Variants in LTF observed in about 807,000 individuals in gnomAD.
LTF encodes lactotransferrin, also known as epididymis luminal protein 110.
In LTF, 91 loss-of-function variants were observed where a neutral mutation model predicts 87.2. The observed-to-expected ratio is 1.04, with a 90% CI of 0.88 to 1.24. The LOEUF (loss-of-function observed/expected upper bound fraction) is 1.24. Among genes scored for constraint, LTF ranks in the 50% most tolerant of loss-of-function variants. The pLI is 0.00. For synonymous variants in LTF, 378 were observed against 356.1 expected, an observed-to-expected ratio of 1.06 and a Z score of -0.69; for missense variants, 901 against 904.3, an observed-to-expected ratio of 1.00 and a Z score of 0.05.
rs58330875 is a variant in LTF, at chr3:46,455,154, T to A, written c.647+141A>T. 3.9e-6 allele frequency: 4 copies of A among 1,019,856 alleles called. No individual in the cohort carries two copies. In the East Asian group the frequency reaches 9.8e-5, roughly 25 times the overall value. 63.2% of individuals were successfully genotyped at this position (1,019,856 alleles called of 1,614,324 possible). On this transcript the variant is annotated intron_variant, in intron 5 of 16. Transcript: ENST00000231751. ...CACACTGGGCAGGCCTGCACTCTCT[T>A]TGGACACACAGCAGTAGGAGAACAG...
Position 46,449,859 on chromosome 3 carries a change from CTCAAGT to C in LTF, c.1046_1051del (p.Asn349_Leu350del), listed in dbSNP as rs756532606. On this transcript the variant is annotated inframe_deletion, in exon 8 of 17. Transcript: ENST00000231751. Reference sequence around the variant, plus strand: ...ACCCTCCTGGGCTCACTCACTTTTCCTCAAGTTCTGGATGGCAGTGAAGTAGCCGGA... The same window carrying C: ...ACCCTCCTGGGCTCACTCACTTTTCCTCTGGATGGCAGTGAAGTAGCCGGA... The C allele has an allele frequency of 1.2e-6, 2 of 1,614,024 alleles. No homozygotes were observed. Among genetic ancestry groups the C allele is most frequent in the Non-Finnish European group, 8.5e-7 (1 of 1,179,944 alleles).
chr3:46,444,890 C>T (rs1702608624), intron 12 of LTF, among the ~76,000 whole-genome samples: 1 of 152,198 alleles, frequency 6.6e-6, no homozygotes, highest in African/African-American at 2.4e-5. Context: ...TGCTTAGTAA[C>T]AGGAGTCACC....
chr3:46,455,262 G>T, intron 5 of LTF, 33 bp downstream of exon 5: 1 of 1,613,616 alleles, frequency 6.2e-7, no homozygotes, highest in Non-Finnish European at 8.5e-7. Flanking sequence ...AGGGACACTT[G>T]GCCACTGACG....
chr3:46,455,344 A>G lies in LTF; in HGVS notation c.598T>C (p.Cys200Arg). ...RLCAGTGENK[C>R]AFSSQEPYFS... ...TACGGTTCCTGGGAGGAGAAGGCACATTTGTTTTCCCCTGTCCCCGCACAC... is the reference window on the plus strand; with the variant it reads ...TACGGTTCCTGGGAGGAGAAGGCACGTTTGTTTTCCCCTGTCCCCGCACAC... Residue 200 changes from cysteine to arginine, a missense_variant, in exon 5 of 17, where the codon TGT becomes CGT. Cys to Arg is a radical substitution (Grantham distance 180). Transcript: ENST00000231751. 1 of 1,614,192 alleles carries G rather than the reference A, an allele frequency of 6.2e-7. No individual in the cohort carries two copies. The highest frequency in any genetic ancestry group is 8.5e-7 in the Non-Finnish European group (1 of 1,180,026).
chr3:46,439,032 T>C (rs527869960), intron 15 of LTF, among the ~76,000 whole-genome samples: 2 of 152,306 alleles, frequency 1.3e-5, no homozygotes, highest in East Asian at 3.9e-4. Flanking sequence ...AGACAGCCTC[T>C]GAGCCAGGCA....
At chr3:46,476,193 G>A (rs963443961) in intron 1 of LTF, among the ~76,000 whole-genome samples, 1 of 152,130 alleles carries the variant, frequency 6.6e-6, no homozygotes, top group Non-Finnish European at 1.5e-5. Flanking sequence ...TGCACTAGAT[G>A]GGACTTTCCG....
At chr3:46,482,698 AGGAAGGAAAGAAAGAAAG>A (rs1452955275) in intron 1 of LTF, among the ~76,000 whole-genome samples, 4 of 126,672 alleles carry the variant, frequency 3.2e-5, no homozygotes, top group African/African-American at 1.3e-4. Context: ...GAAGGAAGGA[AGGAAGGAAAGAAAGAAAG>A]AGAAAGAAAG....
At chr3:46,470,036 T>C (rs1388320858) in intron 2 of LTF, among the ~76,000 whole-genome samples, 4 of 152,184 alleles carry the variant, frequency 2.6e-5, no homozygotes, top group Non-Finnish European at 4.4e-5. Context: ...ACAGCCCTCC[T>C]GGGGCTGGCT....
chr3:46,473,244 C>A (rs931996512), intron 1 of LTF, among the ~76,000 whole-genome samples: 2 of 152,188 alleles, frequency 1.3e-5, no homozygotes, highest in African/African-American at 4.8e-5. Flanking sequence ...ATAATCTGCT[C>A]CTGAAGAACC....
chr3:46,455,133 C>T (rs987342144), intron 5 of LTF, among the ~76,000 whole-genome samples, 162 bp downstream of exon 5: 1 of 152,222 alleles, frequency 6.6e-6, no homozygotes, highest in Admixed American at 6.5e-5. Context: ...GGAACACACA[C>T]TGGGCAGGCC....
chr3:46,437,476 A>C (rs1459570517), intron 16 of LTF, among the ~76,000 whole-genome samples: 2 of 151,990 alleles, frequency 1.3e-5, no homozygotes, highest in Non-Finnish European at 2.9e-5. Flanking sequence ...GCTTGACACC[A>C]CACCAGGCTA....
intron 10 of LTF, among the ~76,000 whole-genome samples, 157 bp downstream of exon 10, chr3:46,447,151 G>A (rs1702675377): frequency 6.6e-6 from 1 of 152,098 alleles, no homozygotes; most frequent in African/African-American, 2.4e-5. Context: ...AGGCTTTGTG[G>A]GTAACACGGC....
At chr3:46,442,640 T>G (rs1248636427) in intron 13 of LTF, among the ~76,000 whole-genome samples, 1 of 152,056 alleles carries the variant, frequency 6.6e-6, no homozygotes, top group African/African-American at 2.4e-5. Flanking sequence ...CATTTTTTTT[T>G]GTTTTGGGTC....
intron 1 of LTF, among the ~76,000 whole-genome samples, chr3:46,482,555 GAAGGGAAGGGAAGGGA>G (rs1559614549): frequency 9.4e-6 from 1 of 106,342 alleles, no homozygotes. Context: ...GAAGGGAAGG[GAAGGGAAGGGAAGGGA>G]AAGGAAAGGA....
chr3:46,454,043 T>C, intron 6 of LTF: 3 of 496,416 alleles, frequency 6.0e-6, no homozygotes, highest in African/African-American at 3.8e-5. Context: ...CATGAGCACA[T>C]GTGTCTTGGA....
intron 1 of LTF, among the ~76,000 whole-genome samples, chr3:46,482,687 GGAAGGAAGGAAGGAAGGAAA>G (rs1703460937): frequency 9.5e-6 from 1 of 105,042 alleles, no homozygotes; most frequent in African/African-American, 3.6e-5. Flanking sequence ...AAGGAAGGAA[GGAAGGAAGGAAGGAAGGAAA>G]GAAAGAAAGA....
At chr3:46,464,011 C>T (rs982508018) in intron 1 of LTF, among the ~76,000 whole-genome samples, 1 of 152,170 alleles carries the variant, frequency 6.6e-6, no homozygotes, top group Non-Finnish European at 1.5e-5. Context: ...GGTGTGACAC[C>T]TGGGCTTTCA....
intron 12 of LTF, among the ~76,000 whole-genome samples, 184 bp downstream of exon 12, chr3:46,445,097 A>G (rs1206102463): frequency 1.3e-5 from 2 of 152,194 alleles, no homozygotes; most frequent in African/African-American, 4.8e-5. Flanking sequence ...AGTGCTGTGC[A>G]GGGAAACCCC....
chr3:46,470,734 A>C (rs1703271689), intron 1 of LTF, among the ~76,000 whole-genome samples: 1 of 152,208 alleles, frequency 6.6e-6, no homozygotes, highest in African/African-American at 2.4e-5. Context: ...AGAAGCTCAG[A>C]GATGGGATTG....
Sources: gnomAD v4.1 joint callset for allele counts (sites outside exome capture counted in the v4.1 genomes callset) on GRCh38, gnomAD v4.1.1 for gene constraint, MANE v1.5 for transcripts, NCBI Gene and HGNC (gene_info 2026-07-23, HGNC 2026-07-21) for gene names.